EHBP1: variants seen among roughly 807,000 people sequenced by gnomAD.
The protein encoded by EHBP1 is EH domain-binding protein 1.
A neutral mutation model predicts 144.0 loss-of-function variants in EHBP1; 55 were observed. That is an observed-to-expected ratio of 0.38 (90% CI 0.31 to 0.48). EHBP1 has a LOEUF of 0.48. Ranked by LOEUF, EHBP1 falls within the 20% of genes least tolerant of loss-of-function variation. The pLI is 0.98. For missense variants in EHBP1, 1,200 were observed against 1,364.2 expected (o/e 0.88, Z 1.90); for synonymous variants, 469 against 472.7 (o/e 0.99, Z 0.10).
intron 1 of EHBP1, among the ~76,000 whole-genome samples, chr2:62,687,723 A>C (rs2033765859): frequency 6.6e-6 from 1 of 152,208 alleles, no homozygotes. Context: ...GTTCCAATAC[A>C]AAGAAAAAAG....
intron 19 of EHBP1, among the ~76,000 whole-genome samples, chr2:63,015,708 A>G (rs2060460199): frequency 6.6e-6 from 1 of 152,196 alleles, no homozygotes; most frequent in Admixed American, 6.5e-5. Flanking sequence ...ATGAGAAAAG[A>G]GACCATGTCA....
chr2:62,725,060 G>C (rs1268054597), intron 2 of EHBP1, among the ~76,000 whole-genome samples: 2 of 152,196 alleles, frequency 1.3e-5, no homozygotes, highest in Non-Finnish European at 2.9e-5. Context: ...TAGGGGGCCA[G>C]TGCTCAGCTC....
intron 10 of EHBP1, among the ~76,000 whole-genome samples, chr2:62,879,816 A>G (rs1044814718): frequency 8.5e-5 from 13 of 152,192 alleles, no homozygotes; most frequent in South Asian, 2.1e-4. Context: ...ATTTCTATCA[A>G]AATTACCAAT....
chr2:62,979,014 C>A (rs1458678720), intron 14 of EHBP1, among the ~76,000 whole-genome samples, 174 bp from the exon 15 acceptor site: 1 of 152,062 alleles, frequency 6.6e-6, no homozygotes, highest in Non-Finnish European at 1.5e-5. Context: ...TTTTAAAAAT[C>A]TGATTCTAAG....
At chr2:62,799,372 ATACTG>A (rs1222161674) in intron 5 of EHBP1, among the ~76,000 whole-genome samples, 3 of 152,210 alleles carry the variant, frequency 2.0e-5, no homozygotes, top group African/African-American at 7.2e-5. Context: ...TTAGAGAATT[ATACTG>A]TAACTATATA....
chr2:62,987,713 T>G (rs551343058), intron 15 of EHBP1, among the ~76,000 whole-genome samples: 1 of 152,276 alleles, frequency 6.6e-6, no homozygotes, highest in Non-Finnish European at 1.5e-5. Flanking sequence ...TTGCATCTGC[T>G]TTGATGTGAT....
intron 10 of EHBP1, among the ~76,000 whole-genome samples, chr2:62,883,666 G>T (rs1157497336): frequency 6.6e-6 from 1 of 152,112 alleles, no homozygotes; most frequent in Non-Finnish European, 1.5e-5. Flanking sequence ...TAAAATAATA[G>T]TATTAATAGA....
At chr2:62,911,542 A>G (rs2054216464) in intron 10 of EHBP1, among the ~76,000 whole-genome samples, 1 of 151,912 alleles carries the variant, frequency 6.6e-6, no homozygotes, top group Non-Finnish European at 1.5e-5. Context: ...GCTCACTGCA[A>G]CCTCTCCCTC....
intron 3 of EHBP1, among the ~76,000 whole-genome samples, chr2:62,756,087 G>A (rs1326088289): frequency 1.4e-5 from 2 of 147,348 alleles, no homozygotes; most frequent in Non-Finnish European, 3.0e-5. Context: ...CGGCATGGGC[G>A]ACATGGTGAA....
At position 62,955,624 on chromosome 2, in the gene EHBP1, C is replaced by A; in HGVS notation, c.2424C>A (p.Asn808Lys). The A allele has an allele frequency of 6.2e-7, 1 of 1,612,340 alleles. No individual in the cohort carries two copies. Among genetic ancestry groups the A allele is most frequent in the Non-Finnish European group, 8.5e-7 (1 of 1,179,010 alleles). ...AGGCGGGGAATAAGCACAATACCAA[C>A]ACAGCCACCCCATTCTGCAACAGGC... ...ALKAGNKHNT[N>K]TATPFCNRQL... Residue 808 changes from asparagine (N) to lysine (K), a missense_variant, in exon 14 of 23, where the codon AAC becomes AAA. This residue lies in a region of EHBP1 where 543 missense variants were observed against 513.1 expected (regional missense o/e 1.06). Coordinates refer to ENST00000431489, the MANE Select transcript of EHBP1 (RefSeq NM_001142616.3).
intron 12 of EHBP1, 142 bp downstream of exon 12, chr2:62,943,992 G>A: frequency 1.9e-6 from 1 of 535,764 alleles, no homozygotes; most frequent in Non-Finnish European, 3.3e-6. Context: ...CGGTTCATTA[G>A]GATACATGGT....
At position 62,809,986 on chromosome 2, in the gene EHBP1, G is replaced by A. The variant is rs576729464; in HGVS notation, c.313-16101G>A. On this transcript the variant is annotated intron_variant, in intron 5 of 22. Coordinates refer to ENST00000431489, the MANE Select transcript of EHBP1 (RefSeq NM_001142616.3). ...ATGTTTAATAATAGGGAATGGTTAT[G>A]TAAATTTGTGGTAGAACCATATTAC... 3.3e-5 allele frequency among the ~76,000 whole-genome samples: 5 copies of A among 152,298 alleles called. No homozygotes were observed. In the East Asian group the frequency reaches 5.8e-4, roughly 18 times the overall value.
intron 6 of EHBP1, among the ~76,000 whole-genome samples, chr2:62,830,195 CATAT>C (rs1214972818): frequency 2.6e-5 from 3 of 116,260 alleles, no homozygotes; most frequent in African/African-American, 1.0e-4. Context: ...CACACACACA[CATAT>C]ATATACACAT....
At chr2:62,786,837 T>A (rs1189786321) in intron 5 of EHBP1, among the ~76,000 whole-genome samples, 3 of 152,174 alleles carry the variant, frequency 2.0e-5, no homozygotes, top group African/African-American at 7.2e-5. Flanking sequence ...GAGTGGGCAA[T>A]TTTGAATTGC....
chr2:62,990,386 A>G (rs1014196016), intron 15 of EHBP1, among the ~76,000 whole-genome samples: 1 of 152,176 alleles, frequency 6.6e-6, no homozygotes, highest in East Asian at 1.9e-4. Flanking sequence ...CTAGTTTGTT[A>G]TAACAGCTTG....
intron 19 of EHBP1, among the ~76,000 whole-genome samples, chr2:63,024,471 A>T (rs918263423): frequency 1.3e-5 from 2 of 152,060 alleles, no homozygotes; most frequent in Non-Finnish European, 2.9e-5. Flanking sequence ...GCATGGTGGC[A>T]TGTGTTTGTG....
In EHBP1 at chr2:62,942,886, C is replaced by G. The variant is rs772135267; in HGVS notation, c.1354C>G (p.Pro452Ala). 51 of 1,601,088 alleles carry G rather than the reference C, an allele frequency of 3.2e-5. No homozygotes were observed. The highest frequency in any genetic ancestry group is 4.3e-5 in the Non-Finnish European group (50 of 1,171,840). ...TTGTGCAATATTACACCACTTTAGA[C>G]CAGATTTAATGTAAGTAGAAACATT... ...SFCAILHHFR[P>A]DLIDYKSLNP... is the part of the protein sequence containing the mutation. Residue 452 changes from proline to alanine, a missense_variant, in exon 11 of 23, where the codon CCA becomes GCA. Pro to Ala is a conservative substitution (Grantham distance 27). Transcript: ENST00000431489.
At chr2:62,955,903 A>G (rs1206691688) in intron 14 of EHBP1, 7 of 347,128 alleles carry the variant, frequency 2.0e-5, no homozygotes, top group Non-Finnish European at 3.6e-5. Context: ...CCACATATAC[A>G]TGAATAATCT....
intron 3 of EHBP1, among the ~76,000 whole-genome samples, chr2:62,757,426 C>CTTTTTTTTTTTTTTTTTTTTTTTT (rs555494268): frequency 8.0e-5 from 9 of 113,034 alleles, no homozygotes; most frequent in Non-Finnish European, 1.1e-4. Flanking sequence ...TTTTTTTTTT[C>CTTTTTTTTTTTTTTTTTTTTTTTT]TTTTTTTTTT....
Sources: allele counts gnomAD v4.1 joint callset (sites outside exome capture counted in the v4.1 genomes callset), GRCh38; gene constraint gnomAD v4.1.1; regional missense constraint gnomAD v4.1.1; transcripts MANE v1.5; gene names NCBI Gene and HGNC (gene_info 2026-07-23, HGNC 2026-07-21).